DAZAP1: variants seen among roughly 807,000 people sequenced by gnomAD.
The protein encoded by DAZAP1 is DAZ associated protein 1, also known as DAZ-associated protein 1.
DAZAP1 carries 6 observed loss-of-function variants against 60.1 expected under a neutral mutation model. The ratio of observed to expected loss-of-function variants is 0.10; its 90% confidence interval spans 0.05 to 0.20. The LOEUF (loss-of-function observed/expected upper bound fraction) is 0.20. DAZAP1 is among the 10% of genes least tolerant of loss of function. DAZAP1 has a pLI of 1.00. For missense variants in DAZAP1, 366 were observed against 560.4 expected (o/e 0.65, Z 3.50); for synonymous variants, 235 against 215.9 (o/e 1.09, Z -0.78).
intron 4 of DAZAP1, among the ~76,000 whole-genome samples, chr19:1,420,361 A>G (rs1220393878): frequency 7.2e-6 from 1 of 139,088 alleles, no homozygotes; most frequent in Non-Finnish European, 1.5e-5. Context: ...GCGAGCACTC[A>G]CCCCACGCGC....
At chr19:1,417,592 C>T (rs369366806) in intron 2 of DAZAP1, 52 bp downstream of exon 2, 9 of 1,534,016 alleles carry the variant, frequency 5.9e-6, no homozygotes, top group African/African-American at 4.1e-5. Context: ...TCTAGGACCT[C>T]GGCCTTCAAG....
chr19:1,407,870 C>T (rs2082709235), intron 1 of DAZAP1, 68 bp downstream of exon 1: 2 of 1,042,618 alleles, frequency 1.9e-6, no homozygotes, highest in Admixed American at 1.1e-4. Flanking sequence ...GCCGCCCGGC[C>T]TCAGACGCCG....
At position 1,425,981 on chromosome 19, in the gene DAZAP1, T is replaced by A. The variant is rs2083295363; in HGVS notation, c.546+21T>A. On this transcript the variant is annotated intron_variant, in intron 7 of 11. Coordinates refer to ENST00000233078, the MANE Select transcript of DAZAP1 (RefSeq NM_018959.4). The surrounding 1 kb of genome is among the most constrained non-coding windows in gnomAD (Gnocchi z 5.4). ...AAAAAGTGTGTAGTTGTAGTTTTAT[T>A]TTACCTTAAGACCAAACCAAGTCTT... 1 of 1,561,708 alleles carries A rather than the reference T, an allele frequency of 6.4e-7. No homozygotes were observed. The highest frequency in any genetic ancestry group is 8.8e-7 in the Non-Finnish European group (1 of 1,132,446).
At position 1,426,233 on chromosome 19, in the gene DAZAP1, G is replaced by A. The variant is rs2083301767; in HGVS notation, c.546+273G>A. ...TGGGCGGGTAGGGGGCTGGGGCTGG[G>A]AGGCTGTGGCGGTGTTGGGGCTGGC... On this transcript the variant is annotated intron_variant, in intron 7 of 11. Coordinates refer to ENST00000233078, the MANE Select transcript of DAZAP1 (RefSeq NM_018959.4). This position sits in a 1 kb window ranked among gnomAD's most constrained non-coding sequence, Gnocchi z 5.4. The A allele has an allele frequency of 1.6e-5, 7 of 436,588 alleles. No homozygotes were observed. Among genetic ancestry groups the A allele is most frequent in the South Asian group, 1.6e-4 (7 of 44,782 alleles). The allele number at this position is 436,588 out of a possible 1,614,324, so 27.0% of individuals were successfully genotyped here. A position where few individuals can be genotyped will look rare whatever the true frequency, so the allele number is the denominator to read the frequency against.
At chr19:1,430,951 G>A (rs1181289494) in intron 10 of DAZAP1, among the ~76,000 whole-genome samples, 2 of 151,478 alleles carry the variant, frequency 1.3e-5, no homozygotes, top group East Asian at 2.0e-4. Context: ...TCGATCTCCT[G>A]ACCTTGTGAT....
intron 1 of DAZAP1, among the ~76,000 whole-genome samples, chr19:1,412,534 G>A (rs1313273475): frequency 2.0e-5 from 3 of 152,162 alleles, no homozygotes; most frequent in Non-Finnish European, 4.4e-5. Context: ...GGGAAAGGTC[G>A]CCTGCCAACT....
intron 4 of DAZAP1, among the ~76,000 whole-genome samples, chr19:1,419,093 G>A (rs575900226): frequency 1.3e-5 from 2 of 152,216 alleles, no homozygotes; most frequent in Non-Finnish European, 2.9e-5. Flanking sequence ...GGGCCGGGCT[G>A]TGTCAGCTCG....
chr19:1,432,556 C>T lies in DAZAP1; in HGVS notation c.914C>T (p.Ala305Val), dbSNP rs923109298. Residue 305 changes from alanine (A) to valine (V), a missense_variant, in exon 11 of 12, where the codon GCC (alanine) becomes GTC (valine). Transcript: ENST00000233078. The surrounding 1 kb of genome is among the most constrained non-coding windows in gnomAD (Gnocchi z 4.9). Reference protein sequence around the residue: ...GPPPPPPDQFAPPGVPPPPAT... With the variant: ...GPPPPPPDQFVPPGVPPPPAT... Reference sequence around the variant, plus strand: ...CCACCTCCACCGCCAGATCAGTTTGCCCCTCCGGGGGTTCCTCCTCCACCA... The same window carrying T: ...CCACCTCCACCGCCAGATCAGTTTGTCCCTCCGGGGGTTCCTCCTCCACCA... 1.9e-6 allele frequency: 3 copies of T among 1,613,570 alleles called. No homozygotes were observed. Among genetic ancestry groups the T allele is most frequent in the Non-Finnish European group, 1.7e-6 (2 of 1,179,996 alleles).
rs2083363581 is a variant in DAZAP1, at chr19:1,428,622, A to C, written c.547-220A>C. 5.2e-6 allele frequency: 3 copies of C among 579,214 alleles called. No individual in the cohort carries two copies. In the Admixed American group the frequency reaches 1.1e-4, roughly 21 times the overall value. 35.9% of individuals were successfully genotyped at this position (579,214 alleles called of 1,614,324 possible). A position where few individuals can be genotyped will look rare whatever the true frequency, so the allele number is the denominator to read the frequency against. On this transcript the variant is annotated intron_variant, in intron 7 of 11. Coordinates refer to ENST00000233078, the MANE Select transcript of DAZAP1 (RefSeq NM_018959.4). The surrounding 1 kb of genome is among the most constrained non-coding windows in gnomAD (Gnocchi z 4.0). ...CGGGCTCTGTGTGTCTTACGGTTGC[A>C]TCTGTTGTACCTGAGAAACATTTTT...
chr19:1,421,050 CTT>C (rs34382895), intron 4 of DAZAP1, 96 bp from the exon 5 acceptor site: 24 of 1,058,860 alleles, frequency 2.3e-5, no homozygotes, highest in South Asian at 5.6e-5. Flanking sequence ...TCAGCTGACT[CTT>C]TAAACCAGCG....
In DAZAP1 at chr19:1,432,961, G is replaced by A. The variant is rs2083491930; in HGVS notation, c.1048+271G>A. 2 of 463,784 alleles carry A rather than the reference G, an allele frequency of 4.3e-6. No individual in the cohort carries two copies. 28.7% of individuals were successfully genotyped at this position (463,784 alleles called of 1,614,324 possible). A position where few individuals can be genotyped will look rare whatever the true frequency, so the allele number is the denominator to read the frequency against. On this transcript the variant is annotated intron_variant, in intron 11 of 11. Coordinates refer to ENST00000233078, the MANE Select transcript of DAZAP1 (RefSeq NM_018959.4). The surrounding 1 kb of genome is among the most constrained non-coding windows in gnomAD (Gnocchi z 4.9). Reference sequence around the variant, plus strand: ...ATGTGTGGGAACCTGAGTGGCGACTGGGTCGAGGGAAGTGAGTCGCAGGCA... The same window carrying A: ...ATGTGTGGGAACCTGAGTGGCGACTAGGTCGAGGGAAGTGAGTCGCAGGCA...
chr19:1,434,538 C>G lies in DAZAP1; in HGVS notation c.1049-199C>G. On this transcript the variant is annotated intron_variant, in intron 11 of 11. Transcript: ENST00000233078. The surrounding 1 kb of genome is among the most constrained non-coding windows in gnomAD (Gnocchi z 8.0). ...CCGCTTTTCTCTGTGTGTGCCCCTG[C>G]TCACATGTTTTTGAGGGAGAGAACA... The G allele has an allele frequency of 1.8e-6, 1 of 564,224 alleles. No homozygotes were observed. The highest frequency in any genetic ancestry group is 3.1e-6 in the Non-Finnish European group (1 of 318,570). The allele number at this position is 564,224 out of a possible 1,614,324, so 35.0% of individuals were successfully genotyped here. A position where few individuals can be genotyped will look rare whatever the true frequency, so the allele number is the denominator to read the frequency against.
At position 1,433,576 on chromosome 19, in the gene DAZAP1, A is replaced by C; in HGVS notation, c.1048+886A>C. On this transcript the variant is annotated intron_variant, in intron 11 of 11. Coordinates refer to ENST00000233078, the MANE Select transcript of DAZAP1 (RefSeq NM_018959.4). The surrounding 1 kb of genome is among the most constrained non-coding windows in gnomAD (Gnocchi z 6.1). The stretch of plus-strand genomic sequence containing the variant: ...GCCCCCACGCCCAGGCCTTGGGCCG[A>C]GGTTGCCGCATGTGTGGGTTCTTGA... 1.7e-6 allele frequency: 1 copy of C among 590,336 alleles called. No individual in the cohort carries two copies. Among genetic ancestry groups the C allele is most frequent in the Non-Finnish European group, 3.0e-6 (1 of 331,704 alleles). The allele number at this position is 590,336 out of a possible 1,614,324, so 36.6% of individuals were successfully genotyped here. A position where few individuals can be genotyped will look rare whatever the true frequency, so the allele number is the denominator to read the frequency against.
In DAZAP1 at chr19:1,434,593, C is replaced by A; in HGVS notation, c.1049-144C>A. The A allele has an allele frequency of 1.4e-6, 1 of 737,780 alleles. No individual in the cohort carries two copies. The highest frequency in any genetic ancestry group is 2.2e-6 in the Non-Finnish European group (1 of 451,234). 45.7% of individuals were successfully genotyped at this position (737,780 alleles called of 1,614,324 possible). On this transcript the variant is annotated intron_variant, in intron 11 of 11. Coordinates refer to ENST00000233078, the MANE Select transcript of DAZAP1 (RefSeq NM_018959.4). The surrounding 1 kb of genome is among the most constrained non-coding windows in gnomAD (Gnocchi z 8.0). ...CGGGGTCCTCTCCCCGGCCCAGGTG[C>A]TGGCCTCAGAAGGGCCCCACCCGCA...
chr19:1,434,426 C>G lies in DAZAP1; in HGVS notation c.1049-311C>G, dbSNP rs2083541191. On this transcript the variant is annotated intron_variant, in intron 11 of 11. Coordinates refer to ENST00000233078, the MANE Select transcript of DAZAP1 (RefSeq NM_018959.4). The surrounding 1 kb of genome is among the most constrained non-coding windows in gnomAD (Gnocchi z 8.0). ...TGTGTGTCTCCAAGCCCCGAGGCTT[C>G]TCTACCTCCCCTCACCCCCCCAACC... 1 of 336,260 alleles carries G rather than the reference C, an allele frequency of 3.0e-6. No homozygotes were observed. The highest frequency in any genetic ancestry group is 5.5e-6 in the Non-Finnish European group (1 of 181,026). The allele number at this position is 336,260 out of a possible 1,614,324, so 20.8% of individuals were successfully genotyped here.
rs1196451993 is a variant in DAZAP1 at position 1,424,393 on chromosome 19, C to T, written c.464-1485C>T. ...CCCCTCCGTCTGGTTGCAGACACTG[C>T]GTGCACAGTCACGCTCAGGTGCACA... On this transcript the variant is annotated intron_variant, in intron 6 of 11. Coordinates refer to ENST00000233078, the MANE Select transcript of DAZAP1 (RefSeq NM_018959.4). Among the ~76,000 whole-genome samples the T allele has an allele frequency of 3.6e-5, 5 of 140,636 alleles. No individual in the cohort carries two copies. The South Asian group carries it at 7.4e-4, about 21-fold the overall frequency. 92.3% of individuals were successfully genotyped at this position (140,636 alleles called of 152,430 possible).
intron 5 of DAZAP1, 79 bp downstream of exon 5, chr19:1,421,337 T>G (rs1600216733): frequency 1.5e-6 from 2 of 1,297,826 alleles, no homozygotes; most frequent in East Asian, 2.4e-5. Context: ...GGGGCTGGAG[T>G]GGCCGAGCCA....
chr19:1,408,628 C>T (rs1006872793), intron 1 of DAZAP1, among the ~76,000 whole-genome samples: 1 of 152,098 alleles, frequency 6.6e-6, no homozygotes, highest in Non-Finnish European at 1.5e-5. Context: ...TACGTTGCCT[C>T]GGCGCCTCCC....
At chr19:1,408,454 C>T (rs1600170759) in intron 1 of DAZAP1, among the ~76,000 whole-genome samples, 3 of 152,236 alleles carry the variant, frequency 2.0e-5, no homozygotes, top group South Asian at 4.1e-4. Flanking sequence ...GGGCGGCGCA[C>T]GTGGCGAGCC....
Sources: allele counts gnomAD v4.1 joint callset (sites outside exome capture counted in the v4.1 genomes callset), GRCh38; gene constraint gnomAD v4.1.1; non-coding constraint Gnocchi (gnomAD v3.1); transcripts MANE v1.5; gene names NCBI Gene and HGNC (gene_info 2026-07-23, HGNC 2026-07-21).